ADRA1A: variants seen among roughly 807,000 people sequenced by gnomAD.
The protein encoded by ADRA1A is adrenoceptor alpha 1A, also known as alpha-1A adrenergic receptor.
In ADRA1A, 31 loss-of-function variants were observed where a neutral mutation model predicts 29.6. That is an observed-to-expected ratio of 1.05 (90% CI 0.79 to 1.41). ADRA1A has a LOEUF of 1.41. ADRA1A is among the 40% of genes most tolerant of loss of function. The pLI is 0.00. For missense variants in ADRA1A, 619 were observed against 601.1 expected, an observed-to-expected ratio of 1.03 and a Z score of -0.31; for synonymous variants, 311 against 254.3, an observed-to-expected ratio of 1.22 and a Z score of -2.12.
At position 26,866,405 on chromosome 8, in the gene ADRA1A, G is replaced by A. The variant is rs995571933; in HGVS notation, c.-687+531C>T. On this transcript the variant is annotated intron_variant, in intron 1 of 2. Transcript: ENST00000380573. The surrounding 1 kb of genome is among the most constrained non-coding windows in gnomAD (Gnocchi z 5.7). Reference sequence around the variant, plus strand: ...TGGGGAGGACGTCCCTCTGCAGAGGGAGCTTTGCAAGTGACAGTCACTGCG... The same window carrying A: ...TGGGGAGGACGTCCCTCTGCAGAGGAAGCTTTGCAAGTGACAGTCACTGCG... Among the ~76,000 whole-genome samples, 2 of 152,204 alleles carry A rather than the reference G, an allele frequency of 1.3e-5. No individual in the cohort carries two copies. The highest frequency in any genetic ancestry group is 4.8e-5 in the African/African-American group (2 of 41,452).
chr8:26,838,012 G>C (rs1044676126), intron 2 of ADRA1A, among the ~76,000 whole-genome samples: 5 of 152,208 alleles, frequency 3.3e-5, no homozygotes, highest in African/African-American at 7.2e-5. Flanking sequence ...TTTCCGGCTT[G>C]AGTTGCTCCA....
At position 26,787,897 on chromosome 8, in the gene ADRA1A, T is replaced by A. The variant is rs1807513078; in HGVS notation, c.884-17231A>T. Among the ~76,000 whole-genome samples the A allele has an allele frequency of 6.9e-6, 1 of 144,740 alleles. No homozygotes were observed. Among genetic ancestry groups the A allele is most frequent in the South Asian group, 2.3e-4 (1 of 4,360 alleles). 95.0% of individuals were successfully genotyped at this position (144,740 alleles called of 152,430 possible). ...TTCAGGGTATCTTCTCAGTCATTAG[T>A]GCTATCTTGTCTATTTTTTTTTTTT... On this transcript the variant is annotated intron_variant, in intron 2 of 2. Transcript: ENST00000380573. The surrounding 1 kb of genome is among the most constrained non-coding windows in gnomAD (Gnocchi z 4.2).
intron 2 of ADRA1A, among the ~76,000 whole-genome samples, chr8:26,798,665 G>A (rs1215073308): frequency 2.0e-5 from 3 of 152,148 alleles, no homozygotes; most frequent in Non-Finnish European, 4.4e-5. Flanking sequence ...GTATCTGCCT[G>A]TGAAAAAGAC....
chr8:26,759,105 G>A (rs1424918455), intron 2 of ADRA1A, among the ~76,000 whole-genome samples: 1 of 152,202 alleles, frequency 6.6e-6, no homozygotes, highest in Non-Finnish European at 1.5e-5. Context: ...AGAGTGAATT[G>A]CTTGTGACTT....
chr8:26,828,599 C>T (rs1000880202), intron 2 of ADRA1A, among the ~76,000 whole-genome samples: 5 of 152,126 alleles, frequency 3.3e-5, no homozygotes, highest in African/African-American at 9.7e-5. Flanking sequence ...TCTGTGATGC[C>T]GAGGACTGAT....
chr8:26,768,165 C>G (rs1401788066), downstream of ADRA1A, among the ~76,000 whole-genome samples: 1 of 152,172 alleles, frequency 6.6e-6, no homozygotes, highest in African/African-American at 2.4e-5. Context: ...ACATACCCTC[C>G]ATTGCAATGT....
At chr8:26,790,315 T>C (rs1406133936) in intron 2 of ADRA1A, among the ~76,000 whole-genome samples, 2 of 152,168 alleles carry the variant, frequency 1.3e-5, no homozygotes, top group Non-Finnish European at 2.9e-5. Context: ...GCAACATGGA[T>C]GAGCCTGGAG....
At position 26,864,712 on chromosome 8, in the gene ADRA1A, G is replaced by C; in HGVS notation, c.258C>G (p.Phe86Leu). 1.2e-6 allele frequency: 2 copies of C among 1,614,144 alleles called. No homozygotes were observed. The highest frequency in any genetic ancestry group is 1.7e-6 in the Non-Finnish European group (2 of 1,180,038). Reference sequence around the variant, plus strand: ...CGAAGGCCCAGTAGCCTAGGACCTCGAAGATGGCGGAGAAGGGCAGCACCG... The same window carrying C: ...CGAAGGCCCAGTAGCCTAGGACCTCCAAGATGGCGGAGAAGGGCAGCACCG... ...TSTVLPFSAI[F>L]EVLGYWAFGR... is the part of the protein sequence containing the mutation. The change falls in exon 2 of 3, where the codon TTC becomes TTG. Residue 86 changes from phenylalanine (F) to leucine (L), a missense_variant. Coordinates refer to ENST00000380573, the MANE Select transcript of ADRA1A (RefSeq NM_000680.4). The surrounding 1 kb of genome is among the most constrained non-coding windows in gnomAD (Gnocchi z 8.1).
At chr8:26,816,046 G>T (rs1337210262) in intron 2 of ADRA1A, among the ~76,000 whole-genome samples, 1 of 152,180 alleles carries the variant, frequency 6.6e-6, no homozygotes, top group African/African-American at 2.4e-5. Context: ...CTCCAGAAAG[G>T]CAAGACACAG....
At chr8:26,773,056 A>G (rs971957298) in intron 2 of ADRA1A, among the ~76,000 whole-genome samples, 1 of 152,238 alleles carries the variant, frequency 6.6e-6, no homozygotes, top group Non-Finnish European at 1.5e-5. Context: ...CGTTAGTAAC[A>G]TGAAGAGTTA....
chr8:26,858,675 C>T (rs1311601219), intron 2 of ADRA1A, among the ~76,000 whole-genome samples: 3 of 152,180 alleles, frequency 2.0e-5, no homozygotes, highest in Non-Finnish European at 2.9e-5. Context: ...AGTTCTTATC[C>T]TTCCTTCTCT....
downstream of ADRA1A, among the ~76,000 whole-genome samples, chr8:26,754,016 T>G (rs1805039505): frequency 6.6e-6 from 1 of 152,234 alleles, no homozygotes; most frequent in African/African-American, 2.4e-5. Context: ...AATTTATTCA[T>G]CTGCTTAGTA....
chr8:26,851,089 G>A (rs938168721), intron 2 of ADRA1A, among the ~76,000 whole-genome samples: 1 of 152,046 alleles, frequency 6.6e-6, no homozygotes, highest in African/African-American at 2.4e-5. Context: ...AGGACAATTG[G>A]TAAACTAAAT....
chr8:26,827,556 C>G (rs1201110980), intron 2 of ADRA1A, among the ~76,000 whole-genome samples: 2 of 152,236 alleles, frequency 1.3e-5, no homozygotes, highest in African/African-American at 4.8e-5. Context: ...AAGGCTCCTT[C>G]TATCCGTGTC....
At chr8:26,766,892 A>G (rs1339232857), downstream of ADRA1A, among the ~76,000 whole-genome samples, 1 of 150,668 alleles carries the variant, frequency 6.6e-6, no homozygotes, top group Non-Finnish European at 1.5e-5. Context: ...TATTTACCCA[A>G]ACACTACTGT....
intron 2 of ADRA1A, among the ~76,000 whole-genome samples, chr8:26,843,154 C>G (rs1563299996): frequency 6.6e-6 from 1 of 152,174 alleles, no homozygotes. Context: ...AGTGTGCTAT[C>G]CTTTTCCCCA....
chr8:26,769,401 C>G lies in ADRA1A; in HGVS notation c.*748G>C, dbSNP rs1001442960. The G allele has an allele frequency of 2.1e-5, 21 of 985,390 alleles. No homozygotes were observed. The highest frequency in any genetic ancestry group is 2.4e-5 in the Non-Finnish European group (20 of 829,930). The allele number at this position is 985,390 out of a possible 1,614,324, so 61.0% of individuals were successfully genotyped here. ...GTAGTTAAATTGAAAGAATGATGCT[C>G]AGGTCTATTGTTTTCTCTTGGGAAA... On this transcript the variant is annotated 3_prime_UTR_variant, in exon 3 of 3. Transcript: ENST00000380573.
downstream of ADRA1A, among the ~76,000 whole-genome samples, chr8:26,755,533 G>A (rs13265198): frequency 0.036 from 5,518 of 152,284 alleles, 201 homozygotes; most frequent in African/African-American, 0.092. Context: ...CCCAGCACAC[G>A]CCTGAGGTTC....
intron 2 of ADRA1A, among the ~76,000 whole-genome samples, chr8:26,829,030 T>C (rs1224406839): frequency 6.6e-6 from 1 of 152,230 alleles, no homozygotes; most frequent in African/African-American, 2.4e-5. Flanking sequence ...GTATAGTGGC[T>C]GGTGTGTGAT....
Sources: allele counts gnomAD v4.1 joint callset (sites outside exome capture counted in the v4.1 genomes callset), GRCh38; gene constraint gnomAD v4.1.1; non-coding constraint Gnocchi (gnomAD v3.1); transcripts MANE v1.5; gene names NCBI Gene and HGNC (gene_info 2026-07-23, HGNC 2026-07-21).